Variants in FGF14 observed in about 807,000 individuals in gnomAD.
FGF14 encodes fibroblast growth factor 14.
Under a neutral mutation model 25.5 loss-of-function variants are expected in FGF14, and 5 were observed. That is an observed-to-expected ratio of 0.20 (90% CI 0.10 to 0.41). The LOEUF (loss-of-function observed/expected upper bound fraction) is 0.41, where lower values mean the gene tolerates loss of function less well. Ranked by LOEUF, FGF14 falls within the 10% of genes least tolerant of loss-of-function variation. The pLI is 1.00. For synonymous variants in FGF14, 138 were observed against 118.3 expected (o/e 1.17, Z -1.08); for missense variants, 222 against 320.1 (o/e 0.69, Z 2.34).
At chr13:102,046,421 T>C (rs1410846551) in intron 1 of FGF14, among the ~76,000 whole-genome samples, 1 of 152,130 alleles carries the variant, frequency 6.6e-6, no homozygotes, top group Admixed American at 6.5e-5. Context: ...AGCTCTCACA[T>C]GTTATTACTA....
At chr13:101,941,813 T>C (rs997693905) in intron 1 of FGF14, among the ~76,000 whole-genome samples, 2 of 152,220 alleles carry the variant, frequency 1.3e-5, no homozygotes, top group Non-Finnish European at 2.9e-5. Context: ...CTATGATGAA[T>C]GTCCTGAAAA....
At chr13:101,999,344 C>T (rs563058298) in intron 1 of FGF14, among the ~76,000 whole-genome samples, 32 of 152,122 alleles carry the variant, frequency 2.1e-4, no homozygotes, top group South Asian at 1.5e-3. Context: ...GACCAGAGGG[C>T]CATGGTGTGG....
At chr13:101,811,305 C>A (rs1188686995) in intron 3 of FGF14, among the ~76,000 whole-genome samples, 3 of 152,174 alleles carry the variant, frequency 2.0e-5, no homozygotes, top group Admixed American at 1.3e-4. Context: ...AACCATGGAT[C>A]TTTTTCCTGT....
chr13:102,185,845 TATGAG>T (rs1210278802), intron 1 of FGF14, among the ~76,000 whole-genome samples: 2 of 152,176 alleles, frequency 1.3e-5, no homozygotes, highest in African/African-American at 4.8e-5. Flanking sequence ...ACTGCGATGA[TATGAG>T]ATAATACATG....
At chr13:102,363,048 A>G (rs145688491) in intron 1 of FGF14, among the ~76,000 whole-genome samples, 92 of 152,300 alleles carry the variant, frequency 6.0e-4, no homozygotes, top group African/African-American at 2.1e-3. Context: ...AGGCATAAAA[A>G]CTGACTTGAC....
chr13:101,764,833 C>T (rs2038276680), intron 3 of FGF14, among the ~76,000 whole-genome samples: 1 of 152,164 alleles, frequency 6.6e-6, no homozygotes, highest in African/African-American at 2.4e-5. Context: ...CATAAAGCAA[C>T]CAATTCTGAA....
At chr13:101,953,570 G>GTGTA (rs532696085) in intron 1 of FGF14, among the ~76,000 whole-genome samples, 6 of 138,074 alleles carry the variant, frequency 4.3e-5, no homozygotes, top group African/African-American at 1.3e-4. Context: ...GTGTGTGTGT[G>GTGTA]TATATATATA....
chr13:102,324,954 T>C (rs2056375081), intron 1 of FGF14, among the ~76,000 whole-genome samples: 1 of 152,102 alleles, frequency 6.6e-6, no homozygotes, highest in African/African-American at 2.4e-5. Context: ...ATGTTAAAGG[T>C]GAATTTTTAA....
At chr13:102,131,157 G>A (rs2046180060) in intron 1 of FGF14, among the ~76,000 whole-genome samples, 1 of 152,076 alleles carries the variant, frequency 6.6e-6, no homozygotes, top group African/African-American at 2.4e-5. Flanking sequence ...TTATGTTTCT[G>A]CCTAAAGCAG....
chr13:101,714,565 C>T lies in FGF14; in HGVS notation c.*8266G>A, dbSNP rs1243340341. ...TCATTTGTACAGGTGCAGTATTAAC[C>T]TTTTCTAATTGCTCTATGCCACAGT... On this transcript the variant is annotated 3_prime_UTR_variant, in exon 5 of 5. Coordinates refer to ENST00000376143, the MANE Select transcript of FGF14 (RefSeq NM_004115.4). The T allele has an allele frequency of 1.4e-6, 2 of 1,424,702 alleles. No homozygotes were observed. Among genetic ancestry groups the T allele is most frequent in the Admixed American group, 3.3e-5 (2 of 59,764 alleles). The allele number at this position is 1,424,702 out of a possible 1,614,324, so 88.3% of individuals were successfully genotyped here. A position where few individuals can be genotyped will look rare whatever the true frequency, so the allele number is the denominator to read the frequency against.
chr13:101,819,390 G>T (rs1249708030), intron 3 of FGF14, among the ~76,000 whole-genome samples: 1 of 152,204 alleles, frequency 6.6e-6, no homozygotes, highest in Non-Finnish European at 1.5e-5. Context: ...GAGATCCTGT[G>T]ATAACCCGGT....
At chr13:102,204,769 A>G (rs552995902) in intron 1 of FGF14, among the ~76,000 whole-genome samples, 59 of 151,810 alleles carry the variant, frequency 3.9e-4, no homozygotes, top group Non-Finnish European at 6.9e-4. Flanking sequence ...CTAGTCTCGA[A>G]CTCCTGACCA....
intron 1 of FGF14, among the ~76,000 whole-genome samples, chr13:102,107,137 A>G (rs944052362): frequency 7.7e-6 from 1 of 130,046 alleles, no homozygotes; most frequent in Non-Finnish European, 1.9e-5. Flanking sequence ...GACAACTTTT[A>G]TAAAAACCAG....
chr13:101,864,730 CACTT>C (rs1347218817), intron 3 of FGF14, among the ~76,000 whole-genome samples: 1 of 152,082 alleles, frequency 6.6e-6, no homozygotes, highest in Non-Finnish European at 1.5e-5. Context: ...AGAACACTGG[CACTT>C]ACGACCGCGA....
At chr13:102,283,999 G>C (rs1230508018) in intron 1 of FGF14, among the ~76,000 whole-genome samples, 3 of 152,218 alleles carry the variant, frequency 2.0e-5, no homozygotes, top group Admixed American at 6.5e-5. Flanking sequence ...CAGGCAAAAA[G>C]TAGGTATTAT....
intron 1 of FGF14, among the ~76,000 whole-genome samples, chr13:102,237,385 C>T (rs572104068): frequency 2.0e-4 from 31 of 152,242 alleles, no homozygotes; most frequent in South Asian, 1.7e-3. Flanking sequence ...GCAAAAGCCC[C>T]GGAGAGGCTC....
chr13:102,071,337 C>T (rs1027725382), intron 1 of FGF14, among the ~76,000 whole-genome samples: 21 of 152,172 alleles, frequency 1.4e-4, no homozygotes, highest in Non-Finnish European at 2.5e-4. Flanking sequence ...ATATAAATCA[C>T]AGTAAAATGT....
intron 1 of FGF14, among the ~76,000 whole-genome samples, chr13:102,315,845 C>T (rs990237461): frequency 2.0e-5 from 3 of 152,150 alleles, no homozygotes; most frequent in Non-Finnish European, 4.4e-5. Flanking sequence ...CTCTTCTTAC[C>T]TTTCTAGCAA....
chr13:102,057,452 G>C (rs2042484576), intron 1 of FGF14, among the ~76,000 whole-genome samples: 1 of 152,060 alleles, frequency 6.6e-6, no homozygotes, highest in Non-Finnish European at 1.5e-5. Context: ...ACAATTGGAT[G>C]GAGTAATTCT....
Sources: gnomAD v4.1 joint callset for allele counts (sites outside exome capture counted in the v4.1 genomes callset) on GRCh38, gnomAD v4.1.1 for gene constraint, MANE v1.5 for transcripts, NCBI Gene and HGNC (gene_info 2026-07-23, HGNC 2026-07-21) for gene names.